Variants in FRMD4A observed in about 807,000 individuals in gnomAD.
FRMD4A encodes FERM domain-containing protein 4A.
Under a neutral mutation model 129.1 loss-of-function variants are expected in FRMD4A, and 29 were observed. The observed-to-expected ratio is 0.22, with a 90% CI of 0.17 to 0.31. The LOEUF is 0.31. Among genes scored for constraint, FRMD4A ranks in the 10% least tolerant of loss-of-function variants. The pLI, the probability that FRMD4A is intolerant of heterozygous loss-of-function variation, is 1.00. For synonymous variants in FRMD4A, 634 were observed against 571.6 expected (o/e 1.11, Z -1.56); for missense variants, 1,272 against 1,375.8 (o/e 0.92, Z 1.19).
At chr10:13,747,523 G>A (rs1003297475) in intron 9 of FRMD4A, among the ~76,000 whole-genome samples, 22 of 33,688 alleles carry the variant, frequency 6.5e-4, no homozygotes, top group African/African-American at 2.1e-3. Context: ...AGTGAGATCC[G>A]TCTCAAAAAA....
chr10:13,848,585 C>A (rs1034964632), intron 3 of FRMD4A, among the ~76,000 whole-genome samples: 1 of 148,648 alleles, frequency 6.7e-6, no homozygotes. Flanking sequence ...TCAACCAGCA[C>A]CTGGGTGTGA....
intron 23 of FRMD4A, 99 bp from the exon 24 acceptor site, chr10:13,652,073 C>G (rs968561636): frequency 1.3e-6 from 1 of 767,772 alleles, no homozygotes; most frequent in African/African-American, 1.7e-5. Context: ...TTAATATATC[C>G]GAAAGGCTTG....
At chr10:13,780,844 C>A (rs773240311) in intron 6 of FRMD4A, among the ~76,000 whole-genome samples, 22 of 152,082 alleles carry the variant, frequency 1.4e-4, no homozygotes, top group Non-Finnish European at 2.6e-4. Context: ...AGGTATATAC[C>A]CTGAACAACT....
intron 12 of FRMD4A, among the ~76,000 whole-genome samples, chr10:13,735,048 T>G (rs542919689): frequency 1.3e-5 from 2 of 152,262 alleles, no homozygotes; most frequent in South Asian, 2.1e-4. Context: ...TAATTTTGTA[T>G]TTTTAGTAGA....
intron 2 of FRMD4A, among the ~76,000 whole-genome samples, chr10:14,090,852 A>ATGAAC (rs1836620768): frequency 6.6e-6 from 1 of 152,092 alleles, no homozygotes; most frequent in Non-Finnish European, 1.5e-5. Flanking sequence ...GTTTGTTTTT[A>ATGAAC]TTTTTTAAGG....
chr10:13,755,520 A>G (rs1030217632), intron 8 of FRMD4A, among the ~76,000 whole-genome samples: 4 of 152,130 alleles, frequency 2.6e-5, no homozygotes, highest in Admixed American at 6.5e-5. Context: ...ACCTAATAAC[A>G]TGTGGTTTGT....
At chr10:14,204,658 C>A (rs1474886495) in intron 2 of FRMD4A, among the ~76,000 whole-genome samples, 1 of 152,098 alleles carries the variant, frequency 6.6e-6, no homozygotes, top group Non-Finnish European at 1.5e-5. Context: ...GCAGGACCCT[C>A]TCTTTTTCTT....
chr10:13,920,622 T>C (rs2797866), intron 2 of FRMD4A, among the ~76,000 whole-genome samples: 114,100 of 152,168 alleles, frequency 0.75, 43,363 homozygotes, highest in South Asian at 0.9. Flanking sequence ...GGAAAACCAC[T>C]TGTGTCGAAA....
At chr10:13,964,231 TCAAA>T (rs1281794943) in intron 2 of FRMD4A, among the ~76,000 whole-genome samples, 7 of 149,600 alleles carry the variant, frequency 4.7e-5, no homozygotes, top group East Asian at 2.0e-4. Flanking sequence ...ACAAAAAACA[TCAAA>T]CAAACAAACA....
At chr10:13,853,714 T>A (rs1209697760) in intron 3 of FRMD4A, among the ~76,000 whole-genome samples, 4 of 148,142 alleles carry the variant, frequency 2.7e-5, no homozygotes, top group Non-Finnish European at 5.9e-5. Flanking sequence ...AGGCCTGTAG[T>A]CCCAGCTACT....
At chr10:13,698,625 T>C (rs2086468483) in intron 14 of FRMD4A, among the ~76,000 whole-genome samples, 1 of 152,244 alleles carries the variant, frequency 6.6e-6, no homozygotes, top group Admixed American at 6.5e-5. Flanking sequence ...ATGACATTAG[T>C]AAAAGATGGC....
At chr10:13,685,171 G>T in intron 15 of FRMD4A, 2 of 984,962 alleles carry the variant, frequency 2.0e-6, no homozygotes, top group Non-Finnish European at 2.4e-6. Context: ...CATGCTTGGA[G>T]AACTTTTCAT....
At chr10:13,794,446 A>C (rs1327108917) in intron 5 of FRMD4A, among the ~76,000 whole-genome samples, 1 of 151,918 alleles carries the variant, frequency 6.6e-6, no homozygotes, top group Non-Finnish European at 1.5e-5. Flanking sequence ...AGAAGACTTC[A>C]AGATGTGTAG....
At chr10:14,035,066 G>C (rs747157086) in intron 2 of FRMD4A, among the ~76,000 whole-genome samples, 5 of 152,074 alleles carry the variant, frequency 3.3e-5, no homozygotes, top group Non-Finnish European at 5.9e-5. Flanking sequence ...ATTAAATACC[G>C]GGGGGACCAA....
Position 13,657,242 on chromosome 10 carries a change from G to T in FRMD4A, c.2347C>A (p.Gln783Lys). Residue 783 changes from glutamine to lysine, a missense_variant, in exon 22 of 25, where the codon CAG becomes AAG. This residue lies in a region of FRMD4A where 972 missense variants were observed against 892.3 expected (regional missense o/e 1.09). Transcript: ENST00000357447. ...CCCGCCGCCCGCTGCCGCTGCCTCT[G>T]CCTCTGGCGCGCCTTGGACGGCGAG... ...EDSPSKARQR[Q>K]RQRQRAAGAL... 6.3e-7 allele frequency: 1 copy of T among 1,588,360 alleles called. No homozygotes were observed. Among genetic ancestry groups the T allele is most frequent in the Non-Finnish European group, 8.5e-7 (1 of 1,171,810 alleles).
chr10:14,268,364 C>T (rs1418570435), intron 2 of FRMD4A, among the ~76,000 whole-genome samples: 2 of 152,190 alleles, frequency 1.3e-5, no homozygotes, highest in Non-Finnish European at 2.9e-5. Context: ...GATCATTGAA[C>T]ATGATTTCTT....
At chr10:14,042,142 A>G (rs1458952032) in intron 2 of FRMD4A, among the ~76,000 whole-genome samples, 1 of 152,222 alleles carries the variant, frequency 6.6e-6, no homozygotes, top group Non-Finnish European at 1.5e-5. Flanking sequence ...GTAATAAAGA[A>G]ATCGATGTAC....
chr10:13,995,101 T>C (rs923347971), intron 2 of FRMD4A, among the ~76,000 whole-genome samples: 3 of 152,216 alleles, frequency 2.0e-5, no homozygotes, highest in Non-Finnish European at 2.9e-5. Context: ...TTTCTTGTAC[T>C]GCATGGGCCC....
At chr10:14,291,121 T>C (rs186972501) in intron 2 of FRMD4A, among the ~76,000 whole-genome samples, 13 of 152,236 alleles carry the variant, frequency 8.5e-5, no homozygotes, top group African/African-American at 2.9e-4. Context: ...TCCTTCCTAT[T>C]TTCAATTTTT....
Sources: gnomAD v4.1 joint callset for allele counts (sites outside exome capture counted in the v4.1 genomes callset) on GRCh38, gnomAD v4.1.1 for gene constraint, gnomAD v4.1.1 regional missense constraint, MANE v1.5 for transcripts, NCBI Gene and HGNC (gene_info 2026-07-23, HGNC 2026-07-21) for gene names.